Variants in ITGA9 observed in about 807,000 individuals in gnomAD.
The protein encoded by ITGA9 is integrin alpha-9.
In ITGA9, 56 loss-of-function variants were observed where a neutral mutation model predicts 127.8. The ratio of observed to expected loss-of-function variants is 0.44; its 90% CI spans 0.35 to 0.55. The LOEUF (loss-of-function observed/expected upper bound fraction) is 0.55. Ranked by LOEUF, ITGA9 falls within the 20% of genes least tolerant of loss-of-function variation. The pLI is 0.00. For missense variants in ITGA9, 1,196 were observed against 1,347.1 expected, an observed-to-expected ratio of 0.89 and a Z score of 1.76; for synonymous variants, 508 against 514.5, an observed-to-expected ratio of 0.99 and a Z score of 0.17.
Position 37,593,182 on chromosome 3 carries a change from G to A in ITGA9, c.1690-36005G>A, listed in dbSNP as rs568792298. The stretch of plus-strand genomic sequence containing the variant: ...CAAGTCCCTGATATAAGGTGGCATC[G>A]TATTTGTATATAACCTACATATATC... On this transcript the variant is annotated intron_variant, in intron 15 of 27. Transcript: ENST00000264741. 2.3e-3 allele frequency among the ~76,000 whole-genome samples: 350 copies of A among 152,252 alleles called. 1 individual carries two copies. Among genetic ancestry groups the A allele is most frequent in the African/African-American group, 8.0e-3 (331 of 41,542 alleles).
At chr3:37,676,902 G>C (rs1167077136) in intron 17 of ITGA9, among the ~76,000 whole-genome samples, 1 of 151,958 alleles carries the variant, frequency 6.6e-6, no homozygotes, top group Non-Finnish European at 1.5e-5. Flanking sequence ...TTTCTCTCTG[G>C]CTGGAATGTA....
At chr3:37,521,273 C>A (rs148472352) in intron 11 of ITGA9, among the ~76,000 whole-genome samples, 1 of 152,154 alleles carries the variant, frequency 6.6e-6, no homozygotes, top group South Asian at 2.1e-4. Context: ...TGTGGGTGAA[C>A]TAGAGGAAGG....
At chr3:37,711,070 T>C (rs1396381118) in intron 18 of ITGA9, among the ~76,000 whole-genome samples, 1 of 152,186 alleles carries the variant, frequency 6.6e-6, no homozygotes, top group Non-Finnish European at 1.5e-5. Context: ...GGGGATGCAG[T>C]TGTCTGAAGG....
intron 15 of ITGA9, among the ~76,000 whole-genome samples, chr3:37,618,854 A>G (rs1467615707): frequency 2.0e-5 from 3 of 152,272 alleles, no homozygotes; most frequent in African/African-American, 7.2e-5. Flanking sequence ...TCCAGGTGCC[A>G]TCTGTCACCC....
chr3:37,647,348 G>GT (rs894763897), intron 16 of ITGA9, among the ~76,000 whole-genome samples: 1 of 151,310 alleles, frequency 6.6e-6, no homozygotes, highest in Admixed American at 6.6e-5. Flanking sequence ...TGATTTCATT[G>GT]TTTTTTAATG....
At chr3:37,632,858 A>C (rs1700241128) in intron 16 of ITGA9, among the ~76,000 whole-genome samples, 1 of 152,202 alleles carries the variant, frequency 6.6e-6, no homozygotes, top group East Asian at 1.9e-4. Flanking sequence ...ATGATTTTGA[A>C]ATTAGAATTT....
chr3:37,702,561 A>C (rs997212385), intron 18 of ITGA9, among the ~76,000 whole-genome samples: 1 of 152,106 alleles, frequency 6.6e-6, no homozygotes, highest in African/African-American at 2.4e-5. Flanking sequence ...ACTCCCCTCA[A>C]AAGGCAGAAT....
intron 26 of ITGA9, among the ~76,000 whole-genome samples, chr3:37,795,163 T>C (rs1203293874): frequency 6.6e-6 from 1 of 152,224 alleles, no homozygotes; most frequent in African/African-American, 2.4e-5. Context: ...GCAGAGAGCA[T>C]CTTGCCCTTG....
At chr3:37,761,103 T>C (rs1041618780) in intron 23 of ITGA9, among the ~76,000 whole-genome samples, 2 of 152,088 alleles carry the variant, frequency 1.3e-5, no homozygotes, top group African/African-American at 4.8e-5. Context: ...AAAAGAAATT[T>C]TAATAGCAAA....
intron 1 of ITGA9, among the ~76,000 whole-genome samples, chr3:37,468,986 C>T (rs1001185877): frequency 1.3e-4 from 20 of 152,228 alleles, no homozygotes; most frequent in South Asian, 4.1e-4. Flanking sequence ...CAGCACAAAC[C>T]GTGCCTGATT....
rs370616731 is a variant in ITGA9 at position 37,597,696 on chromosome 3, A to T, written c.1690-31491A>T. ...TCTATTTCAGTTATGTGTTACAATAATAATGCTGCAGAACAAACTCAAAAC... is the reference window on the plus strand; with the variant it reads ...TCTATTTCAGTTATGTGTTACAATATTAATGCTGCAGAACAAACTCAAAAC... On this transcript the variant is annotated intron_variant, in intron 15 of 27. Transcript: ENST00000264741. The surrounding 1 kb of genome is among the most constrained non-coding windows in gnomAD (Gnocchi z 4.6). Among the ~76,000 whole-genome samples the T allele has an allele frequency of 2.6e-5, 4 of 152,266 alleles. No individual in the cohort carries two copies. Among genetic ancestry groups the T allele is most frequent in the African/African-American group, 9.6e-5 (4 of 41,474 alleles).
intron 6 of ITGA9, among the ~76,000 whole-genome samples, chr3:37,504,431 T>C (rs1698819649): frequency 6.6e-6 from 1 of 151,260 alleles, no homozygotes; most frequent in African/African-American, 2.5e-5. Context: ...AGAGTCTAAA[T>C]GCTGAGCTGC....
At chr3:37,812,976 T>C (rs1442645456) in intron 27 of ITGA9, among the ~76,000 whole-genome samples, 1 of 152,144 alleles carries the variant, frequency 6.6e-6, no homozygotes, top group Non-Finnish European at 1.5e-5. Context: ...TTCTCAAAGC[T>C]CTCCCCAAGG....
chr3:37,642,593 T>C (rs1350241530), intron 16 of ITGA9, among the ~76,000 whole-genome samples: 2 of 152,270 alleles, frequency 1.3e-5, no homozygotes, highest in African/African-American at 4.8e-5. Flanking sequence ...GAGAGCATGA[T>C]GTGTGATTTG....
At chr3:37,758,342 A>AAAAAAAAAAAAAAAAAAT (rs1696681125) in intron 23 of ITGA9, among the ~76,000 whole-genome samples, 2 of 148,934 alleles carry the variant, frequency 1.3e-5, no homozygotes, top group African/African-American at 5.0e-5. Flanking sequence ...AAAAAAAAAA[A>AAAAAAAAAAAAAAAAAAT]AAAAAAAAAA....
chr3:37,686,079 A>G (rs1700779498), intron 18 of ITGA9, among the ~76,000 whole-genome samples: 1 of 152,256 alleles, frequency 6.6e-6, no homozygotes, highest in South Asian at 2.1e-4. Flanking sequence ...TAGTACCAGT[A>G]AATGATCATA....
Position 37,598,146 on chromosome 3 carries a change from G to A in ITGA9, c.1690-31041G>A, listed in dbSNP as rs55967216. Among the ~76,000 whole-genome samples the A allele has an allele frequency of 3.9e-3, 594 of 152,264 alleles. 7 individuals carry two copies. The highest frequency in any genetic ancestry group is 0.013 in the African/African-American group (548 of 41,530). On this transcript the variant is annotated intron_variant, in intron 15 of 27. Coordinates refer to ENST00000264741, the MANE Select transcript of ITGA9 (RefSeq NM_002207.3). ...ACTGGGTAGTCAGGATTACATAAGA[G>A]TAATAACATCTCATTCCCACTATAC...
intron 15 of ITGA9, among the ~76,000 whole-genome samples, chr3:37,624,199 C>CGTTTTT (rs1700154977): frequency 1.1e-5 from 1 of 94,206 alleles, no homozygotes; most frequent in Non-Finnish European, 2.1e-5. Flanking sequence ...GAAAAAAAAC[C>CGTTTTT]CTTTTTTTTT....
rs1395972438 is a variant in ITGA9, at chr3:37,629,669, G to T, written c.1839+333G>T. On this transcript the variant is annotated intron_variant, in intron 16 of 27. Coordinates refer to ENST00000264741, the MANE Select transcript of ITGA9 (RefSeq NM_002207.3). This position sits in a 1 kb window ranked among gnomAD's most constrained non-coding sequence, Gnocchi z 4.5. ...TTTTCAGAGCTTAGATTGGTGGATA[G>T]TAGGTGCTTAATGAATGTTTTATTG... 5 of 578,208 alleles carry T rather than the reference G, an allele frequency of 8.6e-6. No homozygotes were observed. The highest frequency in any genetic ancestry group is 4.6e-4 in the Middle Eastern group (1 of 2,194). The allele number at this position is 578,208 out of a possible 1,614,324, so 35.8% of individuals were successfully genotyped here.
Sources: gnomAD v4.1 joint callset for allele counts (sites outside exome capture counted in the v4.1 genomes callset) on GRCh38, gnomAD v4.1.1 for gene constraint, Gnocchi (gnomAD v3.1) non-coding constraint, MANE v1.5 for transcripts, NCBI Gene and HGNC (gene_info 2026-07-23, HGNC 2026-07-21) for gene names.